The following MYRFL variants were observed in gnomAD, a reference collection of about 807,000 sequenced individuals.
MYRFL encodes myelin regulatory factor-like protein.
Under a neutral mutation model 109.4 loss-of-function variants are expected in MYRFL, and 88 were observed. The ratio of observed to expected loss-of-function variants is 0.80; its 90% CI spans 0.68 to 0.96. The LOEUF (loss-of-function observed/expected upper bound fraction) is 0.96. MYRFL is among the 40% of genes least tolerant of loss of function. MYRFL has a pLI of 0.00. For synonymous variants in MYRFL, 324 were observed against 320.9 expected (o/e 1.01, Z -0.10); for missense variants, 957 against 954.9 (o/e 1.00, Z -0.03).
intron 1 of MYRFL, among the ~76,000 whole-genome samples, chr12:69,833,367 A>G (rs1882749645): frequency 3.9e-5 from 6 of 152,216 alleles, no homozygotes. Flanking sequence ...ACAATTGCCT[A>G]TAGAATCTGG....
At chr12:69,877,278 C>T (rs964745331) in intron 2 of MYRFL, among the ~76,000 whole-genome samples, 1 of 152,132 alleles carries the variant, frequency 6.6e-6, no homozygotes, top group Non-Finnish European at 1.5e-5. Context: ...CCGCCTCCGC[C>T]TCCCAAAGTG....
chr12:69,891,309 G>A lies in MYRFL; in HGVS notation c.903+143G>A, dbSNP rs146103332. The A allele has an allele frequency of 6.4e-3, 3,896 of 608,492 alleles. 23 individuals are homozygous for A. Among genetic ancestry groups the A allele is most frequent in the Admixed American group, 8.0e-3 (215 of 26,804 alleles). The allele number at this position is 608,492 out of a possible 1,614,324, so 37.7% of individuals were successfully genotyped here. A position where few individuals can be genotyped will look rare whatever the true frequency, so the allele number is the denominator to read the frequency against. On this transcript the variant is annotated intron_variant, in intron 7 of 24. Coordinates refer to ENST00000552032, the MANE Select transcript of MYRFL (RefSeq NM_182530.3). ...GTCACAAATCTGCAACTGGGTCAGC[G>A]TGTGACTATGACAACTCATCTTTGT...
At chr12:69,848,198 T>C (rs1247843645) in intron 1 of MYRFL, among the ~76,000 whole-genome samples, 1 of 152,128 alleles carries the variant, frequency 6.6e-6, no homozygotes, top group Non-Finnish European at 1.5e-5. Flanking sequence ...TGCAACACAA[T>C]ATTTATATTA....
Position 69,936,470 on chromosome 12 carries a change from G to T in MYRFL, c.2062G>T (p.Val688Leu), listed in dbSNP as rs777466162. ...CCTTGCAGCACCTAATACATCCCTG[G>T]TAACCACACCGGCCTCCTTACAAGT... ...ASSSAPNTSL[V>L]TTPASLQVPE... The change falls in exon 19 of 25, where the codon GTA becomes TTA. Residue 688 changes from valine (V) to leucine (L), a missense_variant. Physicochemically the swap from Val to Leu is conservative, Grantham distance 32. Transcript: ENST00000552032. The T allele has an allele frequency of 6.5e-7, 1 of 1,535,380 alleles. No individual in the cohort carries two copies. The highest frequency in any genetic ancestry group is 1.4e-5 in the African/African-American group (1 of 72,924).
At chr12:69,947,889 C>A (rs548466214) in intron 19 of MYRFL, among the ~76,000 whole-genome samples, 1 of 152,288 alleles carries the variant, frequency 6.6e-6, no homozygotes, top group Admixed American at 6.5e-5. Context: ...CACAGTCTTA[C>A]AAGTAGTGCA....
chr12:69,902,296 A>T (rs1165450922), intron 10 of MYRFL, among the ~76,000 whole-genome samples: 1 of 152,218 alleles, frequency 6.6e-6, no homozygotes, highest in Non-Finnish European at 1.5e-5. Flanking sequence ...AGACATCAAA[A>T]AGTTCTTTAA....
At chr12:69,952,732 C>A in intron 20 of MYRFL, 67 bp from the exon 21 acceptor site, 1 of 1,130,060 alleles carries the variant, frequency 8.8e-7, no homozygotes, top group Non-Finnish European at 1.2e-6. Flanking sequence ...AGGACTGTGG[C>A]TGGAATACAA....
At chr12:69,895,575 C>T (rs1953961887) in intron 9 of MYRFL, 94 bp downstream of exon 9, 1 of 912,146 alleles carries the variant, frequency 1.1e-6, no homozygotes, top group South Asian at 1.5e-5. Flanking sequence ...CCTGGTGCTA[C>T]CAGCCAGAAC....
At chr12:69,852,748 T>G (rs1430795602) in intron 1 of MYRFL, among the ~76,000 whole-genome samples, 1 of 151,966 alleles carries the variant, frequency 6.6e-6, no homozygotes, top group Admixed American at 6.6e-5. Context: ...TCCGCAGTGT[T>G]TGTGTCCCTG....
intron 1 of MYRFL, among the ~76,000 whole-genome samples, chr12:69,849,446 A>G (rs973826771): frequency 6.6e-6 from 1 of 152,166 alleles, no homozygotes; most frequent in South Asian, 2.1e-4. Context: ...ATATTAGTCT[A>G]TGGTTTTCTT....
intron 19 of MYRFL, chr12:69,947,052 C>T (rs1202621739): frequency 1.3e-5 from 2 of 152,270 alleles, no homozygotes; most frequent in East Asian, 3.8e-4. Context: ...CTGGTTTACT[C>T]TTCCCCTCTG....
At chr12:69,906,444 G>A (rs914216071) in intron 11 of MYRFL, among the ~76,000 whole-genome samples, 2 of 152,120 alleles carry the variant, frequency 1.3e-5, no homozygotes, top group African/African-American at 2.4e-5. Context: ...GAACACTAAA[G>A]GCACATGAAG....
intron 4 of MYRFL, among the ~76,000 whole-genome samples, 177 bp downstream of exon 4, chr12:69,879,630 T>C (rs1885935473): frequency 6.6e-6 from 1 of 152,134 alleles, no homozygotes; most frequent in African/African-American, 2.4e-5. Context: ...ATCTTTTAAT[T>C]AAAAACCCTC....
chr12:69,862,324 A>G (rs1299822685), intron 2 of MYRFL, among the ~76,000 whole-genome samples: 9 of 151,406 alleles, frequency 5.9e-5, no homozygotes, highest in South Asian at 4.2e-4. Context: ...CATTGAATCT[A>G]TAAATTACCT....
intron 15 of MYRFL, among the ~76,000 whole-genome samples, chr12:69,931,441 G>C (rs1473299085): frequency 6.6e-6 from 1 of 152,136 alleles, no homozygotes; most frequent in Non-Finnish European, 1.5e-5. Context: ...TGTGTACTTG[G>C]TAAAAATGGT....
At chr12:69,918,780 T>A (rs150713673) in intron 13 of MYRFL, among the ~76,000 whole-genome samples, 22 of 152,332 alleles carry the variant, frequency 1.4e-4, no homozygotes, top group African/African-American at 5.3e-4. Context: ...ATTCAGTGTT[T>A]CATTGGGTTA....
chr12:69,940,741 AT>A, intron 19 of MYRFL, among the ~76,000 whole-genome samples: 1 of 146,650 alleles, frequency 6.8e-6, no homozygotes, highest in East Asian at 2.1e-4. Flanking sequence ...AGACTGGCAA[AT>A]TGGATAAAGA....
intron 15 of MYRFL, among the ~76,000 whole-genome samples, chr12:69,931,772 A>G (rs1955278270): frequency 6.6e-6 from 1 of 152,218 alleles, no homozygotes; most frequent in Admixed American, 6.5e-5. Context: ...ATTCCCCAGC[A>G]GTTCCACAGC....
chr12:69,914,035 A>G (rs1401188793), intron 13 of MYRFL, among the ~76,000 whole-genome samples: 2 of 152,146 alleles, frequency 1.3e-5, no homozygotes, highest in African/African-American at 2.4e-5. Flanking sequence ...GTTAATTCAC[A>G]AGAGTCTTAT....
Sources: gnomAD v4.1 joint callset for allele counts (sites outside exome capture counted in the v4.1 genomes callset) on GRCh38, gnomAD v4.1.1 for gene constraint, MANE v1.5 for transcripts, NCBI Gene and HGNC (gene_info 2026-07-23, HGNC 2026-07-21) for gene names.